The following MSH3 variants were observed in gnomAD, a reference collection of about 807,000 sequenced individuals.
The protein encoded by MSH3 is DNA mismatch repair protein Msh3.
Under a neutral mutation model 123.3 loss-of-function variants are expected in MSH3, and 106 were observed. The ratio of observed to expected loss-of-function variants is 0.86; its 90% CI spans 0.73 to 1.01. The LOEUF is 1.01. MSH3 is among the 50% of genes least tolerant of loss of function. The probability of loss-of-function intolerance (pLI) is 0.00; values close to 1 mark genes in which losing one functional copy is unlikely to be tolerated. For missense variants in MSH3, 1,459 were observed against 1,347.6 expected (o/e 1.08, Z -1.29); for synonymous variants, 515 against 481.4 (o/e 1.07, Z -0.91).
rs1561471371 is a variant in MSH3, at chr5:80,768,162, A to AT, written c.2084+43dup. 7 of 1,540,080 alleles carry AT rather than the reference A, an allele frequency of 4.5e-6. No homozygotes were observed. Among genetic ancestry groups the AT allele is most frequent in the Non-Finnish European group, 6.3e-6 (7 of 1,112,662 alleles). On this transcript the variant is annotated intron_variant, in intron 14 of 23. Coordinates refer to ENST00000265081, the MANE Select transcript of MSH3 (RefSeq NM_002439.5). ...GAATTCTTCCTTTTCACCAGTCAGT[A>AT]TAATTCAGTGCATTTGCCATTTATT...
intron 21 of MSH3, among the ~76,000 whole-genome samples, chr5:80,858,884 C>G (rs1196070785): frequency 6.6e-6 from 1 of 152,094 alleles, no homozygotes. Context: ...GTTTGACATT[C>G]TCTTGTTAAA....
At chr5:80,782,310 AG>A (rs1744424551) in intron 17 of MSH3, among the ~76,000 whole-genome samples, 1 of 151,892 alleles carries the variant, frequency 6.6e-6, no homozygotes, top group Admixed American at 6.6e-5. Context: ...AAAATATTCA[AG>A]GAATGAAAAG....
At chr5:80,824,305 G>A (rs1016165183) in intron 20 of MSH3, among the ~76,000 whole-genome samples, 16 of 151,982 alleles carry the variant, frequency 1.1e-4, no homozygotes, top group African/African-American at 3.9e-4. Context: ...CGGACGGGGT[G>A]GCGGCTGGGC....
At chr5:80,803,738 TGATTTGATTTTTTTACAAGGTGAGAGGTA>T (rs1305783468) in intron 19 of MSH3, among the ~76,000 whole-genome samples, 3 of 152,172 alleles carry the variant, frequency 2.0e-5, no homozygotes, top group African/African-American at 4.8e-5. Context: ...TAATCCATTT[TGATTTGATTTTTTTACAAGGTGAGAGGTA>T]GGAGTCCAGT....
At chr5:80,709,398 G>A (rs1023410978) in intron 8 of MSH3, among the ~76,000 whole-genome samples, 40 of 152,142 alleles carry the variant, frequency 2.6e-4, no homozygotes, top group South Asian at 1.2e-3. Context: ...CAAGGTGGGC[G>A]GATCACGAGG....
chr5:80,763,800 T>G (rs1264239808), intron 13 of MSH3, among the ~76,000 whole-genome samples: 1 of 152,254 alleles, frequency 6.6e-6, no homozygotes, highest in Non-Finnish European at 1.5e-5. Flanking sequence ...GCACAGGGTT[T>G]GTGTATTTAT....
chr5:80,857,196 C>T (rs1745934113), intron 21 of MSH3, among the ~76,000 whole-genome samples: 1 of 152,118 alleles, frequency 6.6e-6, no homozygotes, highest in South Asian at 2.1e-4. Flanking sequence ...TGATGGATTA[C>T]GTTAACTGGT....
rs113146726 is a variant in MSH3 at position 80,688,135 on chromosome 5, T to C, written c.1340+9042T>C. Among the ~76,000 whole-genome samples, 387 of 152,356 alleles carry C rather than the reference T, an allele frequency of 2.5e-3. 2 individuals carry two copies. The highest frequency in any genetic ancestry group is 9.0e-3 in the African/African-American group (376 of 41,594). On this transcript the variant is annotated intron_variant, in intron 8 of 23. Coordinates refer to ENST00000265081, the MANE Select transcript of MSH3 (RefSeq NM_002439.5). ...TTGGTTAAAAACTAGCCTTAGCTCA[T>C]TGATATCATTTGAAAAAGACATGTG... is the stretch of plus-strand genomic sequence containing the variant.
At chr5:80,799,690 A>G (rs1367104975) in intron 19 of MSH3, among the ~76,000 whole-genome samples, 4 of 151,886 alleles carry the variant, frequency 2.6e-5, no homozygotes, top group Admixed American at 2.0e-4. Flanking sequence ...GTCTTCTCCT[A>G]TTTAGTAGTG....
intron 19 of MSH3, among the ~76,000 whole-genome samples, chr5:80,794,789 C>A (rs924390470): frequency 2.0e-5 from 3 of 152,022 alleles, no homozygotes; most frequent in African/African-American, 7.2e-5. Context: ...TCTGAGATTG[C>A]GAGAAATGGC....
chr5:80,817,890 C>T (rs536970336), intron 20 of MSH3, among the ~76,000 whole-genome samples: 1 of 152,224 alleles, frequency 6.6e-6, no homozygotes, highest in South Asian at 2.1e-4. Flanking sequence ...TTTGTGACAA[C>T]TTATGATGTC....
At chr5:80,700,189 G>A (rs1191481839) in intron 8 of MSH3, among the ~76,000 whole-genome samples, 2 of 152,128 alleles carry the variant, frequency 1.3e-5, no homozygotes, top group Non-Finnish European at 2.9e-5. Context: ...AGGTCAGCCT[G>A]GCCAACATGG....
chr5:80,711,558 G>A (rs371060555), intron 8 of MSH3, among the ~76,000 whole-genome samples: 20 of 152,294 alleles, frequency 1.3e-4, no homozygotes, highest in African/African-American at 4.3e-4. Context: ...TTCAGTAGGG[G>A]CTGCCATCCT....
intron 6 of MSH3, among the ~76,000 whole-genome samples, chr5:80,673,803 C>T (rs1387328890): frequency 6.6e-6 from 1 of 151,898 alleles, no homozygotes; most frequent in Non-Finnish European, 1.5e-5. Context: ...ATTTCAAAAG[C>T]AAAATTGTCA....
chr5:80,825,855 A>G (rs1014958771), intron 20 of MSH3, among the ~76,000 whole-genome samples: 2 of 152,192 alleles, frequency 1.3e-5, no homozygotes, highest in African/African-American at 2.4e-5. Flanking sequence ...AATGCTAGGG[A>G]CATTTTTTCT....
At chr5:80,662,159 C>A (rs192614813) in intron 2 of MSH3, among the ~76,000 whole-genome samples, 40 of 152,284 alleles carry the variant, frequency 2.6e-4, no homozygotes, top group African/African-American at 9.6e-4. Flanking sequence ...CAGATACTTA[C>A]CATTGTGTTA....
chr5:80,693,041 GTA>G (rs769910666), intron 8 of MSH3, among the ~76,000 whole-genome samples: 1 of 127,278 alleles, frequency 7.9e-6, no homozygotes, highest in East Asian at 2.3e-4. Context: ...ACATGCACAT[GTA>G]TATGTTTATA....
intron 20 of MSH3, among the ~76,000 whole-genome samples, chr5:80,847,744 G>A (rs543222182): frequency 9.2e-5 from 14 of 152,196 alleles, no homozygotes; most frequent in South Asian, 2.1e-4. Context: ...TTATTTCAGC[G>A]TAGGGGCATT....
intron 19 of MSH3, among the ~76,000 whole-genome samples, chr5:80,797,559 C>T (rs993519024): frequency 3.3e-5 from 5 of 152,174 alleles, no homozygotes; most frequent in African/African-American, 1.2e-4. Context: ...AGTGTAACCA[C>T]GTCTTCATAC....
Sources: allele counts gnomAD v4.1 joint callset (sites outside exome capture counted in the v4.1 genomes callset), GRCh38; gene constraint gnomAD v4.1.1; transcripts MANE v1.5; gene names NCBI Gene and HGNC (gene_info 2026-07-23, HGNC 2026-07-21).